Variants in SECTM1 observed in about 807,000 individuals in gnomAD.
SECTM1 encodes the protein secreted and transmembrane 1.
SECTM1 carries 10 observed loss-of-function variants against 18.1 expected under a neutral mutation model. The observed-to-expected ratio is 0.55, with a 90% CI of 0.34 to 0.94. SECTM1 has a LOEUF of 0.94. SECTM1 is among the 40% of genes least tolerant of loss of function. The pLI, the probability that SECTM1 is intolerant of heterozygous loss-of-function variation, is 0.02. For missense variants in SECTM1, 297 were observed against 322.6 expected, an observed-to-expected ratio of 0.92 and a Z score of 0.61; for synonymous variants, 137 against 139.2, an observed-to-expected ratio of 0.98 and a Z score of 0.11.
At chr17:82,332,910 C>G (rs1315333124) in intron 1 of SECTM1, among the ~76,000 whole-genome samples, 2 of 152,222 alleles carry the variant, frequency 1.3e-5, no homozygotes, top group Non-Finnish European at 2.9e-5. Flanking sequence ...CCCTGGGCCT[C>G]CTAGAAGCCG....
Position 82,322,078 on chromosome 17 carries a change from G to A in SECTM1, c.*83C>T, listed in dbSNP as rs919256950. ...AGCAAGCCGGTGTCTGTGCCCTCCG[G>A]GTGGGACGAGAGACCCAGGCCCCGC... On this transcript the variant is annotated 3_prime_UTR_variant, in exon 5 of 5. Coordinates refer to ENST00000269389, the MANE Select transcript of SECTM1 (RefSeq NM_003004.3). 2 of 1,380,950 alleles carry A rather than the reference G, an allele frequency of 1.4e-6. No homozygotes were observed. Among genetic ancestry groups the A allele is most frequent in the African/African-American group, 1.4e-5 (1 of 69,994 alleles). 85.5% of individuals were successfully genotyped at this position (1,380,950 alleles called of 1,614,324 possible).
chr17:82,323,522 G>C (rs1026043169), intron 3 of SECTM1, among the ~76,000 whole-genome samples: 6 of 151,374 alleles, frequency 4.0e-5, no homozygotes, highest in Non-Finnish European at 7.4e-5. Flanking sequence ...GGGCCGTGGA[G>C]GCTCCTGAGC....
intron 1 of SECTM1, among the ~76,000 whole-genome samples, chr17:82,333,152 C>T (rs1329268977): frequency 6.6e-6 from 1 of 152,218 alleles, no homozygotes; most frequent in Non-Finnish European, 1.5e-5. Context: ...CCACGCGTGC[C>T]TGCGTGTGCT....
chr17:82,324,013 G>A (rs1789858946), intron 3 of SECTM1, among the ~76,000 whole-genome samples: 2 of 151,982 alleles, frequency 1.3e-5, no homozygotes, highest in Non-Finnish European at 2.9e-5. Flanking sequence ...GTGGCAGCCT[G>A]GGAGGCCCCT....
rs2052205335 is a variant in SECTM1, at chr17:82,333,125, G to A, written c.-53+575C>T. Among the ~76,000 whole-genome samples the A allele has an allele frequency of 2.6e-5, 4 of 152,374 alleles. No individual in the cohort carries two copies. In the South Asian group the frequency reaches 8.3e-4, roughly 32 times the overall value. On this transcript the variant is annotated intron_variant, in intron 1 of 4. Coordinates refer to ENST00000269389, the MANE Select transcript of SECTM1 (RefSeq NM_003004.3). ...TGTGAGTGCACACGAGGCTGTGGCT[G>A]TGGAGTGTGCAACAGTCCACGCGTG...
Position 82,330,654 on chromosome 17 carries a change from G to C in SECTM1, c.-53+3046C>G, listed in dbSNP as rs988084747. Among the ~76,000 whole-genome samples the C allele has an allele frequency of 2.0e-5, 3 of 152,062 alleles. No individual in the cohort carries two copies. Among genetic ancestry groups the C allele is most frequent in the African/African-American group, 7.2e-5 (3 of 41,396 alleles). On this transcript the variant is annotated intron_variant, in intron 1 of 4. Transcript: ENST00000269389. The surrounding 1 kb of genome is among the most constrained non-coding windows in gnomAD (Gnocchi z 6.1). The stretch of plus-strand genomic sequence containing the variant: ...CCTGAGTGTCCCAAGTCTGCCCGCT[G>C]TGCATTCCATGGGGCCAGCAGCTCG...
At chr17:82,323,053 C>A (rs747728715) in intron 3 of SECTM1, 42 bp from the exon 4 acceptor site, 1 of 1,576,634 alleles carries the variant, frequency 6.3e-7, no homozygotes, top group Non-Finnish European at 8.6e-7. Context: ...GGCTGGGCAT[C>A]CCCCACCCCC....
intron 3 of SECTM1, among the ~76,000 whole-genome samples, chr17:82,324,137 G>A (rs2052123697): frequency 6.6e-6 from 1 of 152,072 alleles, no homozygotes. Flanking sequence ...GGGCCTCTCA[G>A]AGCACAGGTA....
In SECTM1 at chr17:82,322,041, C is replaced by G. The variant is rs1182781108; in HGVS notation, c.*120G>C. The G allele has an allele frequency of 9.7e-6, 9 of 928,856 alleles. No homozygotes were observed. In the East Asian group the frequency reaches 1.8e-4, roughly 18 times the overall value. The allele number at this position is 928,856 out of a possible 1,614,324, so 57.5% of individuals were successfully genotyped here. A position where few individuals can be genotyped will look rare whatever the true frequency, so the allele number is the denominator to read the frequency against. On this transcript the variant is annotated 3_prime_UTR_variant, in exon 5 of 5. Transcript: ENST00000269389. ...CACCCAGGAGTGGGTGACACAGAGG[C>G]CCAGCCTGCCAAGCAAGCCGGTGTC...
rs569017336 is a variant in SECTM1, at chr17:82,321,468, G to C, written c.*693C>G. The C allele has an allele frequency of 2.5e-4, 38 of 152,576 alleles. No individual in the cohort carries two copies. The highest frequency in any genetic ancestry group is 2.2e-3 in the Admixed American group (33 of 15,316). 9.5% of individuals were successfully genotyped at this position (152,576 alleles called of 1,614,324 possible). On this transcript the variant is annotated 3_prime_UTR_variant, in exon 5 of 5. Transcript: ENST00000269389. ...AAGCATGAACAGATCTGGGTCCAAA[G>C]AGGCTCGGCAGGTGCGGTGGGCACG...
At chr17:82,324,517 G>GGCCCCCCCCC in intron 3 of SECTM1, 65 bp downstream of exon 3, 1 of 604,114 alleles carries the variant, frequency 1.7e-6, no homozygotes, top group Non-Finnish European at 2.6e-6. Context: ...CCCTGCCCAG[G>GGCCCCCCCCC]CCCCCTCCCC....
chr17:82,324,103 G>A (rs536768775), intron 3 of SECTM1, among the ~76,000 whole-genome samples: 1 of 152,046 alleles, frequency 6.6e-6, no homozygotes, highest in Non-Finnish European at 1.5e-5. Context: ...CAGGTGCCTC[G>A]AAGCCAGGTG....
chr17:82,323,928 C>T (rs73999864), intron 3 of SECTM1, among the ~76,000 whole-genome samples: 8,282 of 144,246 alleles, frequency 0.057, 343 homozygotes, highest in African/African-American at 0.11. Context: ...ACAGGAGTGG[C>T]GAGGGCAGGT....
At chr17:82,323,166 G>A (rs1402895164) in intron 3 of SECTM1, 155 bp from the exon 4 acceptor site, 10 of 849,852 alleles carry the variant, frequency 1.2e-5, no homozygotes, top group Non-Finnish European at 1.8e-5. Flanking sequence ...GTACAGGGGT[G>A]GGAGGGAGCC....
At chr17:82,331,578 G>A (rs2052191653) in intron 1 of SECTM1, among the ~76,000 whole-genome samples, 2 of 152,364 alleles carry the variant, frequency 1.3e-5, no homozygotes, top group South Asian at 4.1e-4. Flanking sequence ...AAACTCAGAT[G>A]TTACTGGGTA....
chr17:82,332,129 C>T (rs2052196338), intron 1 of SECTM1, among the ~76,000 whole-genome samples: 1 of 152,122 alleles, frequency 6.6e-6, no homozygotes, highest in African/African-American at 2.4e-5. Flanking sequence ...GCAACAAGAG[C>T]GAAACTCCGT....
At position 82,328,870 on chromosome 17, in the gene SECTM1, A is replaced by G. The variant is rs1340783166; in HGVS notation, c.-52-1578T>C. Among the ~76,000 whole-genome samples, 1 of 151,286 alleles carries G rather than the reference A, an allele frequency of 6.6e-6. No homozygotes were observed. The highest frequency in any genetic ancestry group is 3.2e-3 in the Middle Eastern group (1 of 316). Reference sequence around the variant, plus strand: ...GGAAAAGTCCCTAGGTAGGGCGGCAACTCCAGCCCTGCCTCTCCCAGCTCC... The same window carrying G: ...GGAAAAGTCCCTAGGTAGGGCGGCAGCTCCAGCCCTGCCTCTCCCAGCTCC... On this transcript the variant is annotated intron_variant, in intron 1 of 4. Transcript: ENST00000269389. The surrounding 1 kb of genome is among the most constrained non-coding windows in gnomAD (Gnocchi z 5.8).
Position 82,322,137 on chromosome 17 carries a change from G to T in SECTM1, c.*24C>A, listed in dbSNP as rs769107227. On this transcript the variant is annotated 3_prime_UTR_variant, in exon 5 of 5. Coordinates refer to ENST00000269389, the MANE Select transcript of SECTM1 (RefSeq NM_003004.3). ...GTCGGCACTCAGGGCTGGCTCTCCT[G>T]TGTCCTCTCTGCCTTGCAGGCGGCT... 2 of 1,612,298 alleles carry T rather than the reference G, an allele frequency of 1.2e-6. No homozygotes were observed. Among genetic ancestry groups the T allele is most frequent in the Non-Finnish European group, 1.7e-6 (2 of 1,178,764 alleles).
rs988326599 is a variant in SECTM1 at position 82,324,445 on chromosome 17, C to T, written c.403+137G>A. ...AACTCTCTACCCGCCAACCCTGTCT[C>T]CTGGCAGCCCGGCTCATGCCTGCTC... On this transcript the variant is annotated intron_variant, in intron 3 of 4. Transcript: ENST00000269389. 6 of 945,832 alleles carry T rather than the reference C, an allele frequency of 6.3e-6. No homozygotes were observed. The African/African-American group carries it at 8.3e-5, about 13-fold the overall frequency. The allele number at this position is 945,832 out of a possible 1,614,324, so 58.6% of individuals were successfully genotyped here.
Sources: gnomAD v4.1 joint callset for allele counts (sites outside exome capture counted in the v4.1 genomes callset) on GRCh38, gnomAD v4.1.1 for gene constraint, Gnocchi (gnomAD v3.1) non-coding constraint, MANE v1.5 for transcripts, NCBI Gene and HGNC (gene_info 2026-07-23, HGNC 2026-07-21) for gene names.